The following ALG8 variants were observed in gnomAD, a reference collection of about 807,000 sequenced individuals.
ALG8 encodes the protein ALG8 alpha-1,3-glucosyltransferase, also known as dolichyl pyrophosphate Glc1Man9GlcNAc2 alpha-1,3-glucosyltransferase.
Under a neutral mutation model 70.2 loss-of-function variants are expected in ALG8, and 48 were observed. The observed-to-expected ratio is 0.68, with a 90% CI of 0.54 to 0.87. ALG8 has a LOEUF of 0.87. Among genes scored for constraint, ALG8 ranks in the 40% least tolerant of loss-of-function variants. The probability of loss-of-function intolerance (pLI) is 0.00; values close to 1 mark genes in which losing one functional copy is unlikely to be tolerated. For synonymous variants in ALG8, 234 were observed against 229.0 expected (o/e 1.02, Z -0.20); for missense variants, 572 against 608.7 (o/e 0.94, Z 0.64).
intron 2 of ALG8, among the ~76,000 whole-genome samples, chr11:78,124,666 C>A (rs906986998): frequency 6.6e-6 from 1 of 152,122 alleles, no homozygotes; most frequent in African/African-American, 2.4e-5. Context: ...TGGTTCTACT[C>A]ATCTAAATAA....
chr11:78,114,763 C>G, intron 5 of ALG8: 1 of 432,592 alleles, frequency 2.3e-6, no homozygotes, highest in Non-Finnish European at 4.6e-6. Flanking sequence ...CCCAGGAGTT[C>G]AAGACCAGCC....
intron 1 of ALG8, among the ~76,000 whole-genome samples, chr11:78,135,555 A>AT (rs1159459398): frequency 1.3e-5 from 2 of 151,692 alleles, no homozygotes; most frequent in Non-Finnish European, 2.9e-5. Flanking sequence ...CCAAAAATAC[A>AT]TTTAAAAAAA....
At chr11:78,122,507 A>G (rs1429983410) in intron 3 of ALG8, among the ~76,000 whole-genome samples, 1 of 151,994 alleles carries the variant, frequency 6.6e-6, no homozygotes, top group African/African-American at 2.4e-5. Flanking sequence ...ACAGCTGGCT[A>G]ATTTTTGTAT....
At chr11:78,113,495 C>G (rs1860396572) in intron 7 of ALG8, among the ~76,000 whole-genome samples, 1 of 151,958 alleles carries the variant, frequency 6.6e-6, no homozygotes, top group Non-Finnish European at 1.5e-5. Context: ...GGTGGATCAC[C>G]TGAGGTCAGA....
chr11:78,109,833 C>G (rs1057507922), intron 8 of ALG8, among the ~76,000 whole-genome samples: 2 of 152,180 alleles, frequency 1.3e-5, no homozygotes, highest in African/African-American at 2.4e-5. Flanking sequence ...TGCTGGCAGG[C>G]AGCACAAATG....
intron 4 of ALG8, 105 bp from the exon 5 acceptor site, chr11:78,119,354 G>T: frequency 2.6e-6 from 2 of 773,038 alleles, no homozygotes; most frequent in Non-Finnish European, 4.5e-6. Flanking sequence ...CAAAATTAAA[G>T]ACAAAAAATA....
intron 7 of ALG8, among the ~76,000 whole-genome samples, chr11:78,113,382 T>TAC (rs1326788469): frequency 6.6e-6 from 1 of 152,080 alleles, no homozygotes; most frequent in African/African-American, 2.4e-5. Context: ...TATATATATA[T>TAC]ACATATTTGA....
chr11:78,129,949 A>G (rs1861232454), intron 1 of ALG8, among the ~76,000 whole-genome samples: 1 of 152,210 alleles, frequency 6.6e-6, no homozygotes, highest in African/African-American at 2.4e-5. Context: ...AGTGAAAGCC[A>G]GACCCAAGAG....
chr11:78,127,229 G>C, intron 2 of ALG8, 129 bp downstream of exon 2: 1 of 780,094 alleles, frequency 1.3e-6, no homozygotes, highest in Non-Finnish European at 2.1e-6. Context: ...TGCCCGCCTT[G>C]GCCTCCCAAA....
intron 1 of ALG8, among the ~76,000 whole-genome samples, chr11:78,134,374 G>A (rs1861452354): frequency 6.6e-6 from 1 of 152,238 alleles, no homozygotes; most frequent in Middle Eastern, 3.4e-3. Context: ...CTGACCTCAG[G>A]TGACCCGCCC....
intron 4 of ALG8, among the ~76,000 whole-genome samples, chr11:78,119,538 C>T (rs938657659): frequency 1.3e-5 from 2 of 150,982 alleles, no homozygotes; most frequent in African/African-American, 4.9e-5. Flanking sequence ...AAGCGATTCT[C>T]CTGCTTCAGC....
In ALG8 at chr11:78,106,927, CA is replaced by C. The variant is rs1253552222; in HGVS notation, c.1057del (p.Trp353GlyfsTer14). On this transcript the variant is annotated frameshift_variant, in exon 10 of 13. Transcript: ENST00000299626. LOFTEE classifies it high-confidence loss of function. Reference sequence around the variant, plus strand: ...GCCTCTGGGCCCTTGGGGTTTAAACCAAAGACAGAAAATAGAGGGCTAGAAA... The same window carrying C: ...GCCTCTGGGCCCTTGGGGTTTAAACCAAGACAGAAAATAGAGGGCTAGAAA... ...IAILPSIFCL[W>X]FKPQGPRGFL... 1.9e-6 allele frequency: 3 copies of C among 1,613,792 alleles called. No individual in the cohort carries two copies. Among genetic ancestry groups the C allele is most frequent in the African/African-American group, 2.7e-5 (2 of 74,856 alleles).
intron 12 of ALG8, among the ~76,000 whole-genome samples, 190 bp from the exon 13 acceptor site, chr11:78,101,385 T>C (rs912571524): frequency 6.6e-6 from 1 of 152,138 alleles, no homozygotes; most frequent in Non-Finnish European, 1.5e-5. Flanking sequence ...TCCCAGCACT[T>C]TGGGAGGCCA....
chr11:78,112,577 G>A (rs185597657), intron 8 of ALG8, 73 bp downstream of exon 8: 2 of 1,597,076 alleles, frequency 1.3e-6, no homozygotes, highest in East Asian at 2.3e-5. Flanking sequence ...AAACACAAAG[G>A]TTTTTCCATT....
At chr11:78,106,685 T>G (rs1860048657) in intron 10 of ALG8, 122 bp downstream of exon 10, 3 of 1,307,062 alleles carry the variant, frequency 2.3e-6, no homozygotes, top group Non-Finnish European at 3.3e-6. Context: ...AGTGGACATC[T>G]GTTCCTATAC....
chr11:78,119,695 C>G (rs960436312), intron 4 of ALG8, among the ~76,000 whole-genome samples: 1 of 152,190 alleles, frequency 6.6e-6, no homozygotes, highest in Non-Finnish European at 1.5e-5. Flanking sequence ...TCCCAAAGTG[C>G]TGGGATTACA....
In ALG8 at chr11:78,138,801, G is replaced by C; in HGVS notation, c.95+693C>G. The C allele has an allele frequency of 6.6e-6, 3 of 456,228 alleles. No homozygotes were observed. In the Middle Eastern group the frequency reaches 9.8e-4, roughly 148 times the overall value. The allele number at this position is 456,228 out of a possible 1,614,324, so 28.3% of individuals were successfully genotyped here. ...ATTTTTTACACAGCAGTCTAACTGT[G>C]GTCTTCGAAACCCTGTGTTATCTGT... is the stretch of plus-strand genomic sequence containing the variant. On this transcript the variant is annotated intron_variant, in intron 1 of 12. Coordinates refer to ENST00000299626, the MANE Select transcript of ALG8 (RefSeq NM_024079.5).
intron 5 of ALG8, 188 bp from the exon 6 acceptor site, chr11:78,114,580 G>A: frequency 1.4e-6 from 1 of 695,456 alleles, no homozygotes; most frequent in South Asian, 1.7e-5. Context: ...TGGTAATGGG[G>A]GAAAATGGGT....
intron 12 of ALG8, among the ~76,000 whole-genome samples, chr11:78,101,679 G>A (rs990750087): frequency 3.3e-5 from 5 of 152,012 alleles, no homozygotes; most frequent in African/African-American, 9.7e-5. Flanking sequence ...AATTATATAC[G>A]TTATATTATC....
Sources: gnomAD v4.1 joint callset for allele counts (sites outside exome capture counted in the v4.1 genomes callset) on GRCh38, gnomAD v4.1.1 for gene constraint, MANE v1.5 for transcripts, NCBI Gene and HGNC (gene_info 2026-07-23, HGNC 2026-07-21) for gene names.